MED12L: variants seen among roughly 807,000 people sequenced by gnomAD.
The protein encoded by MED12L is mediator complex subunit 12L.
MED12L carries 60 observed loss-of-function variants against 281.3 expected under a neutral mutation model. The ratio of observed to expected loss-of-function variants is 0.21; its 90% CI spans 0.17 to 0.26. The LOEUF is 0.26. Ranked by LOEUF, MED12L falls within the 10% of genes least tolerant of loss-of-function variation. The pLI is 1.00. For missense variants in MED12L, 2,146 were observed against 2,680.9 expected (o/e 0.80, Z 4.41); for synonymous variants, 974 against 987.2 (o/e 0.99, Z 0.25).
At chr3:151,320,184 G>A (rs1748830544) in intron 16 of MED12L, among the ~76,000 whole-genome samples, 1 of 152,078 alleles carries the variant, frequency 6.6e-6, no homozygotes. Flanking sequence ...TAGTATTTGT[G>A]TTATAATCTC....
intron 16 of MED12L, among the ~76,000 whole-genome samples, chr3:151,245,824 C>G (rs1274023798): frequency 6.7e-6 from 1 of 150,016 alleles, no homozygotes; most frequent in Non-Finnish European, 1.5e-5. Flanking sequence ...AAGAGGAAGT[C>G]AAATTGTCCC....
chr3:151,164,184 A>G, intron 9 of MED12L, 142 bp downstream of exon 9: 1 of 828,050 alleles, frequency 1.2e-6, no homozygotes, highest in East Asian at 2.8e-5. Context: ...GTGACCTTAG[A>G]GAATTGTTTA....
intron 40 of MED12L, among the ~76,000 whole-genome samples, chr3:151,410,981 G>T (rs1261427557): frequency 6.6e-6 from 1 of 152,110 alleles, no homozygotes; most frequent in Middle Eastern, 3.4e-3. Context: ...ATAGAAACAT[G>T]CCCTTCTCTA....
chr3:151,327,997 T>C, intron 16 of MED12L: 3 of 1,559,852 alleles, frequency 1.9e-6, no homozygotes, highest in Non-Finnish European at 2.6e-6. Context: ...GTTGTCAGCC[T>C]AAGGTTATGT....
intron 2 of MED12L, among the ~76,000 whole-genome samples, chr3:151,113,197 T>G (rs112157663): frequency 3.9e-5 from 6 of 152,206 alleles, no homozygotes; most frequent in African/African-American, 1.4e-4. Context: ...GAGCAAAAAG[T>G]TAAGGTGGTC....
chr3:151,320,336 A>G (rs1748849614), intron 16 of MED12L, among the ~76,000 whole-genome samples: 1 of 152,196 alleles, frequency 6.6e-6, no homozygotes, highest in Non-Finnish European at 1.5e-5. Context: ...AACATAGCTC[A>G]AGGTGATCTC....
chr3:151,338,833 C>G, intron 16 of MED12L: 2 of 1,613,420 alleles, frequency 1.2e-6, no homozygotes, highest in Non-Finnish European at 1.7e-6. Flanking sequence ...GTGAGGTTGT[C>G]GACGGCTTGC....
At chr3:151,238,026 C>T (rs1273114754) in intron 16 of MED12L, among the ~76,000 whole-genome samples, 1 of 152,140 alleles carries the variant, frequency 6.6e-6, no homozygotes, top group East Asian at 1.9e-4. Flanking sequence ...TTTCAAGAAG[C>T]AAAATTTACC....
At chr3:151,121,244 T>C (rs1343170491) in intron 3 of MED12L, among the ~76,000 whole-genome samples, 1 of 152,256 alleles carries the variant, frequency 6.6e-6, no homozygotes, top group Non-Finnish European at 1.5e-5. Flanking sequence ...ATTTATTCAC[T>C]GTTTGGACAT....
chr3:151,285,354 G>A (rs975113415), intron 16 of MED12L, among the ~76,000 whole-genome samples: 7 of 151,924 alleles, frequency 4.6e-5, no homozygotes, highest in East Asian at 1.9e-4. Flanking sequence ...GTGTGGTGGC[G>A]GGTGCCTGTA....
chr3:151,198,794 G>A, intron 16 of MED12L: 1 of 1,613,506 alleles, frequency 6.2e-7, no homozygotes, highest in Non-Finnish European at 8.5e-7. Context: ...AAGGCAATTG[G>A]ATATTAAAAT....
intron 16 of MED12L, among the ~76,000 whole-genome samples, chr3:151,206,827 G>A (rs1268254335): frequency 6.6e-6 from 1 of 151,250 alleles, no homozygotes; most frequent in Non-Finnish European, 1.5e-5. Flanking sequence ...TGTATTTTTA[G>A]TAGAGATGGG....
chr3:151,416,092 G>C (rs1450653712), intron 42 of MED12L, among the ~76,000 whole-genome samples: 2 of 152,186 alleles, frequency 1.3e-5, no homozygotes, highest in South Asian at 2.1e-4. Flanking sequence ...GAAGAGATCC[G>C]TAGGGTTGGG....
chr3:151,411,537 A>G (rs1318287616), intron 41 of MED12L, 30 bp downstream of exon 41: 15 of 1,584,664 alleles, frequency 9.5e-6, no homozygotes, highest in Admixed American at 1.7e-5. Context: ...TGATGGCAAT[A>G]ATGAACAGTC....
chr3:151,199,238 C>T (rs1441903557), intron 16 of MED12L: 3 of 1,613,876 alleles, frequency 1.9e-6, no homozygotes, highest in Non-Finnish European at 2.5e-6. Context: ...TAAGTAGATG[C>T]TCACACACCT....
chr3:151,290,535 A>G (rs993923287), intron 16 of MED12L, among the ~76,000 whole-genome samples: 3 of 152,190 alleles, frequency 2.0e-5, no homozygotes, highest in Non-Finnish European at 2.9e-5. Flanking sequence ...TACTTTTGAA[A>G]CTATAAATTA....
At chr3:151,290,858 T>A (rs572661480) in intron 16 of MED12L, among the ~76,000 whole-genome samples, 1 of 152,226 alleles carries the variant, frequency 6.6e-6, no homozygotes, top group African/African-American at 2.4e-5. Context: ...TCACCTGTTT[T>A]GTGAATTTTA....
intron 21 of MED12L, among the ~76,000 whole-genome samples, chr3:151,361,005 T>G (rs1754535943): frequency 6.6e-6 from 1 of 152,142 alleles, no homozygotes; most frequent in Non-Finnish European, 1.5e-5. Flanking sequence ...CAATTTGGAT[T>G]ATAAATCTAA....
chr3:151,413,955 T>C (rs368281577), intron 42 of MED12L, among the ~76,000 whole-genome samples: 2,139 of 152,146 alleles, frequency 0.014, 31 homozygotes, highest in African/African-American at 0.03. Flanking sequence ...GTTCAAGTGA[T>C]TCTCCTGCCT....
Sources: allele counts gnomAD v4.1 joint callset (sites outside exome capture counted in the v4.1 genomes callset), GRCh38; gene constraint gnomAD v4.1.1; transcripts MANE v1.5; gene names NCBI Gene and HGNC (gene_info 2026-07-23, HGNC 2026-07-21).